Variants in CDH13 observed in about 807,000 individuals in gnomAD.
The protein encoded by CDH13 is cadherin 13, also known as cadherin-13.
A neutral mutation model predicts 63.8 loss-of-function variants in CDH13; 24 were observed. That is an observed-to-expected ratio of 0.38 (90% CI 0.27 to 0.53). The LOEUF (loss-of-function observed/expected upper bound fraction) is 0.53. Ranked by LOEUF, CDH13 falls within the 20% of genes least tolerant of loss-of-function variation. The pLI is 0.85. For synonymous variants in CDH13, 503 were observed against 355.3 expected, an observed-to-expected ratio of 1.42 and a Z score of -4.67; for missense variants, 1,049 against 903.1, an observed-to-expected ratio of 1.16 and a Z score of -2.07.
intron 6 of CDH13, among the ~76,000 whole-genome samples, chr16:83,442,007 A>G (rs1418072872): frequency 6.6e-6 from 1 of 152,316 alleles, no homozygotes; most frequent in Non-Finnish European, 1.5e-5. Flanking sequence ...AGGTCACACC[A>G]TAAGAGCTGG....
intron 10 of CDH13, among the ~76,000 whole-genome samples, chr16:83,697,778 G>A (rs1023076264): frequency 2.6e-5 from 4 of 152,212 alleles, no homozygotes; most frequent in Admixed American, 2.6e-4. Flanking sequence ...CTCCTGAGTA[G>A]CTGGGATTAC....
intron 1 of CDH13, among the ~76,000 whole-genome samples, chr16:82,711,818 G>C (rs1315667952): frequency 1.3e-5 from 2 of 152,234 alleles, no homozygotes; most frequent in Non-Finnish European, 2.9e-5. Flanking sequence ...CCCACCAGGT[G>C]TCAGTGCCTC....
chr16:83,292,537 G>T (rs1597680231), intron 5 of CDH13, among the ~76,000 whole-genome samples: 1 of 151,942 alleles, frequency 6.6e-6, no homozygotes, highest in South Asian at 2.1e-4. Context: ...TTTTTGTTTT[G>T]CAGCCTCTAT....
At chr16:82,936,882 C>T (rs1364423278) in intron 2 of CDH13, among the ~76,000 whole-genome samples, 2 of 152,114 alleles carry the variant, frequency 1.3e-5, no homozygotes, top group Non-Finnish European at 2.9e-5. Flanking sequence ...TCATGGACTC[C>T]TCCCAGAGTT....
intron 7 of CDH13, among the ~76,000 whole-genome samples, chr16:83,556,537 G>A (rs527943887): frequency 6.6e-6 from 1 of 152,286 alleles, no homozygotes; most frequent in South Asian, 2.1e-4. Context: ...GAACCTCGGA[G>A]GGGTCAAATA....
intron 12 of CDH13, 129 bp from the exon 13 acceptor site, chr16:83,783,125 A>G (rs1162228304): frequency 2.1e-5 from 14 of 665,978 alleles, no homozygotes; most frequent in Non-Finnish European, 1.1e-5. Flanking sequence ...ATGAATTTAA[A>G]TGTAAGCATT....
At chr16:83,537,573 T>C (rs1000094895) in intron 7 of CDH13, among the ~76,000 whole-genome samples, 8 of 152,160 alleles carry the variant, frequency 5.3e-5, no homozygotes, top group African/African-American at 1.9e-4. Flanking sequence ...AAAGAAGGTT[T>C]CATTACTGTA....
chr16:82,769,313 C>T (rs963327599), intron 1 of CDH13, among the ~76,000 whole-genome samples: 1 of 152,114 alleles, frequency 6.6e-6, no homozygotes, highest in African/African-American at 2.4e-5. Context: ...AGAATATTGA[C>T]AAGTCACAGT....
chr16:82,787,416 A>C (rs887518677), intron 1 of CDH13, among the ~76,000 whole-genome samples: 2 of 152,228 alleles, frequency 1.3e-5, no homozygotes, highest in African/African-American at 4.8e-5. Context: ...ATTTGGAAGA[A>C]ATTTCCGTCA....
chr16:83,382,243 G>A (rs1375562283), intron 6 of CDH13, among the ~76,000 whole-genome samples: 2 of 152,152 alleles, frequency 1.3e-5, no homozygotes, highest in African/African-American at 4.8e-5. Context: ...ACATAATGAA[G>A]ACAAAAATGA....
chr16:82,733,701 T>C (rs891830958), intron 1 of CDH13, among the ~76,000 whole-genome samples: 1 of 152,204 alleles, frequency 6.6e-6, no homozygotes, highest in Non-Finnish European at 1.5e-5. Context: ...GGGGGTCTTT[T>C]AGTAAGGCTT....
intron 5 of CDH13, among the ~76,000 whole-genome samples, chr16:83,229,377 T>C (rs1340090500): frequency 6.6e-6 from 1 of 152,238 alleles, no homozygotes; most frequent in African/African-American, 2.4e-5. Context: ...CCTTTATTTT[T>C]TAATTCACAA....
chr16:83,489,566 A>G (rs767494284), intron 7 of CDH13, among the ~76,000 whole-genome samples: 1 of 152,188 alleles, frequency 6.6e-6, no homozygotes, highest in Non-Finnish European at 1.5e-5. Flanking sequence ...CGTGATTCCA[A>G]GTTCTTGTCT....
intron 7 of CDH13, among the ~76,000 whole-genome samples, chr16:83,538,455 T>C (rs754805814): frequency 2.6e-5 from 4 of 152,234 alleles, no homozygotes; most frequent in Non-Finnish European, 5.9e-5. Context: ...CAGTCTGAAT[T>C]GAAATGACTT....
chr16:82,983,069 T>C (rs763064001), intron 2 of CDH13, among the ~76,000 whole-genome samples: 7 of 152,092 alleles, frequency 4.6e-5, no homozygotes, highest in Non-Finnish European at 7.4e-5. Flanking sequence ...GGGCTGACGC[T>C]ATGGTTTTTA....
At chr16:82,678,194 G>A (rs1025052625) in intron 1 of CDH13, among the ~76,000 whole-genome samples, 1 of 151,962 alleles carries the variant, frequency 6.6e-6, no homozygotes, top group Admixed American at 6.6e-5. Flanking sequence ...ATGGATGGGA[G>A]GATGATTTAT....
At chr16:82,918,078 A>T (rs12919606) in intron 2 of CDH13, among the ~76,000 whole-genome samples, 2 of 152,036 alleles carry the variant, frequency 1.3e-5, no homozygotes, top group African/African-American at 4.8e-5. Flanking sequence ...GTTGTGCACA[A>T]ACCTGCTGCG....
chr16:82,883,474 C>T (rs1258880160), intron 2 of CDH13, among the ~76,000 whole-genome samples: 1 of 152,210 alleles, frequency 6.6e-6, no homozygotes, highest in East Asian at 1.9e-4. Context: ...GGCTGGAACA[C>T]AGGAATCTGC....
At chr16:83,048,439 TC>T (rs1258814987) in intron 3 of CDH13, among the ~76,000 whole-genome samples, 1 of 152,212 alleles carries the variant, frequency 6.6e-6, no homozygotes, top group East Asian at 1.9e-4. Context: ...CTCTGCAGGT[TC>T]CTGCCCTTAT....
Sources: allele counts gnomAD v4.1 joint callset (sites outside exome capture counted in the v4.1 genomes callset), GRCh38; gene constraint gnomAD v4.1.1; transcripts MANE v1.5; gene names NCBI Gene and HGNC (gene_info 2026-07-23, HGNC 2026-07-21).